The following SLC15A1 variants were observed in gnomAD, a reference collection of about 807,000 sequenced individuals.
SLC15A1 encodes solute carrier family 15 member 1, also known as Caco-2 oligopeptide transporter.
Under a neutral mutation model 92.9 loss-of-function variants are expected in SLC15A1, and 83 were observed. The observed-to-expected ratio is 0.89, with a 90% confidence interval of 0.75 to 1.07. The LOEUF is 1.07. SLC15A1 is among the 50% of genes least tolerant of loss of function. The probability of loss-of-function intolerance (pLI) is 0.00; values close to 1 mark genes in which losing one functional copy is unlikely to be tolerated. For missense variants in SLC15A1, 857 were observed against 880.1 expected, an observed-to-expected ratio of 0.97 and a Z score of 0.33; for synonymous variants, 322 against 318.2, an observed-to-expected ratio of 1.01 and a Z score of -0.13.
chr13:98,730,746 C>T (rs553946237), intron 1 of SLC15A1, among the ~76,000 whole-genome samples: 1 of 152,360 alleles, frequency 6.6e-6, no homozygotes, highest in African/African-American at 2.4e-5. Context: ...GTTTGTGGGA[C>T]ACGTTTCCTA....
chr13:98,697,781 G>T (rs554851911), intron 18 of SLC15A1, among the ~76,000 whole-genome samples: 11 of 152,208 alleles, frequency 7.2e-5, no homozygotes, highest in South Asian at 4.2e-4. Context: ...TTGGCCATAC[G>T]CTGCCGCAAA....
chr13:98,722,663 G>C (rs116694003), intron 5 of SLC15A1, among the ~76,000 whole-genome samples: 189 of 152,258 alleles, frequency 1.2e-3, no homozygotes, highest in African/African-American at 4.5e-3. Context: ...TATTGCACAG[G>C]TAAAGAATTC....
intron 1 of SLC15A1, among the ~76,000 whole-genome samples, chr13:98,735,208 C>T (rs765566335): frequency 2.0e-5 from 3 of 152,160 alleles, no homozygotes; most frequent in Non-Finnish European, 4.4e-5. Flanking sequence ...AAACGTAATC[C>T]ATCACATAAA....
chr13:98,738,120 T>A (rs1594009000), intron 1 of SLC15A1, among the ~76,000 whole-genome samples: 1 of 152,336 alleles, frequency 6.6e-6, no homozygotes, highest in Non-Finnish European at 1.5e-5. Flanking sequence ...GGATTCAAGA[T>A]GTGACCTGGC....
In SLC15A1 at chr13:98,708,764, G is replaced by C. The variant is rs538255007; in HGVS notation, c.1071C>G (p.Ser357=). The C allele has an allele frequency of 6.8e-6, 11 of 1,610,008 alleles. No individual in the cohort carries two copies. The Admixed American group carries it at 1.0e-4, about 15-fold the overall frequency. Residue 357 remains serine, a synonymous_variant, in exon 15 of 23, where the codon TCC becomes TCG. Transcript: ENST00000376503. ...CCATGCCAACTGCCATCTTCTTCAA[G>C]GAGCTGATGGCACAAGAGAAGAGTG... ...LIAKCGFNFT[S]LKKMAVGMVL...
At chr13:98,746,512 T>C (rs1423463040) in intron 1 of SLC15A1, among the ~76,000 whole-genome samples, 1 of 152,182 alleles carries the variant, frequency 6.6e-6, no homozygotes, top group Non-Finnish European at 1.5e-5. Flanking sequence ...TGCAAGGTGT[T>C]TTGATTTAAT....
intron 1 of SLC15A1, 114 bp downstream of exon 1, chr13:98,752,481 C>A: frequency 9.8e-7 from 1 of 1,020,390 alleles, no homozygotes; most frequent in South Asian, 4.1e-5. Context: ...GCCTTCGGGT[C>A]GCCCCGCTTC....
intron 7 of SLC15A1, among the ~76,000 whole-genome samples, chr13:98,719,851 C>T (rs567968409): frequency 6.6e-6 from 1 of 152,198 alleles, no homozygotes; most frequent in African/African-American, 2.4e-5. Flanking sequence ...GTAGACAATA[C>T]ATCAATGAAT....
intron 1 of SLC15A1, among the ~76,000 whole-genome samples, chr13:98,751,112 CA>C (rs1435314402): frequency 2.0e-5 from 3 of 146,836 alleles, no homozygotes; most frequent in African/African-American, 4.9e-5. Flanking sequence ...AACCATTAAA[CA>C]ATTTTTTTTT....
chr13:98,709,908 A>C lies in SLC15A1; in HGVS notation c.904T>G (p.Ser302Ala). 1 of 1,614,230 alleles carries C rather than the reference A, an allele frequency of 6.2e-7. No individual in the cohort carries two copies. Among genetic ancestry groups the C allele is most frequent in the Non-Finnish European group, 8.5e-7 (1 of 1,180,038 alleles). Residue 302 changes from serine (S) to alanine (A), a missense_variant, in exon 12 of 23, where the codon TCC (serine) becomes GCC (alanine). Ser to Ala is a moderately conservative substitution (Grantham distance 99). Transcript: ENST00000376503. Reference protein sequence around the residue: ...MFWALFDQQGSRWTLQATTMS... With the variant: ...MFWALFDQQGARWTLQATTMS... ...GTTGTTGCCTGCAGTGTCCACCTGG[A>C]GCCCTTAAAAATGAATACATTTGCT...
chr13:98,702,151 G>A (rs2088073211), intron 18 of SLC15A1, among the ~76,000 whole-genome samples: 2 of 152,162 alleles, frequency 1.3e-5, no homozygotes, highest in African/African-American at 4.8e-5. Context: ...CATAATATCA[G>A]CTCAAGCTTT....
chr13:98,684,928 C>A lies in SLC15A1; in HGVS notation c.1936-13G>T, dbSNP rs1459861475. On this transcript the variant is annotated splice_polypyrimidine_tract_variant and intron_variant, in intron 22 of 22. Coordinates refer to ENST00000376503, the MANE Select transcript of SLC15A1 (RefSeq NM_005073.4). Reference sequence around the variant, plus strand: ...TGTACTCGGCCCACTTTGAAGAAATCAGAGTTGGAGCAGGAAAAAGAACAA... The same window carrying A: ...TGTACTCGGCCCACTTTGAAGAAATAAGAGTTGGAGCAGGAAAAAGAACAA... 2 of 1,604,914 alleles carry A rather than the reference C, an allele frequency of 1.2e-6. No individual in the cohort carries two copies. The highest frequency in any genetic ancestry group is 1.1e-5 in the South Asian group (1 of 90,098).
chr13:98,719,268 C>T lies in SLC15A1; in HGVS notation c.609G>A (p.Gly203=). 3.7e-6 allele frequency: 6 copies of T among 1,613,854 alleles called. No homozygotes were observed. Among genetic ancestry groups the T allele is most frequent in the Non-Finnish European group, 5.1e-6 (6 of 1,179,814 alleles). Residue 203 remains glycine, a synonymous_variant, in exon 8 of 23, where the codon GGG becomes GGA. Transcript: ENST00000376503. ...SKQACYPLAF[G]VPAALMAVAL... The stretch of plus-strand genomic sequence containing the variant: ...CTACAGCCATGAGAGCAGCAGGAAC[C>T]CCAAAGGCCAGTGGGTAACAAGCTT...
chr13:98,729,007 C>CAA (rs1176117196), intron 1 of SLC15A1, among the ~76,000 whole-genome samples: 4 of 69,654 alleles, frequency 5.7e-5, no homozygotes, highest in African/African-American at 2.1e-4. Flanking sequence ...AAAAAAAAAA[C>CAA]AACAAGCCCC....
At chr13:98,738,695 T>C (rs1488987648) in intron 1 of SLC15A1, among the ~76,000 whole-genome samples, 2 of 152,244 alleles carry the variant, frequency 1.3e-5, no homozygotes, top group Non-Finnish European at 1.5e-5. Context: ...TGGAAAAGCC[T>C]GGATGTCCAG....
At chr13:98,738,970 G>A (rs1379885796) in intron 1 of SLC15A1, among the ~76,000 whole-genome samples, 2 of 152,268 alleles carry the variant, frequency 1.3e-5, no homozygotes, top group Non-Finnish European at 2.9e-5. Context: ...CAGGGGCAGA[G>A]CTGCCCAAAG....
rs528865683 is a variant in SLC15A1 at position 98,692,136 on chromosome 13, C to CTTTT, written c.1467-3563_1467-3560dup. On this transcript the variant is annotated intron_variant, in intron 18 of 22. Transcript: ENST00000376503. The stretch of plus-strand genomic sequence containing the variant: ...AGGAGTCCCCCTCTCTTCTCCTAAA[C>CTTTT]TTTTTTTTTTTTTTTTTTTTTTTTT... Among the ~76,000 whole-genome samples, 125 of 67,632 alleles carry CTTTT rather than the reference C, an allele frequency of 1.8e-3. 9 individuals are homozygous for CTTTT. The highest frequency in any genetic ancestry group is 3.4e-3 in the African/African-American group (79 of 23,000). The allele number at this position is 67,632 out of a possible 152,430, so 44.4% of individuals were successfully genotyped here. A position where few individuals can be genotyped will look rare whatever the true frequency, so the allele number is the denominator to read the frequency against.
intron 1 of SLC15A1, among the ~76,000 whole-genome samples, chr13:98,730,699 C>T (rs890002084): frequency 1.3e-5 from 2 of 152,248 alleles, no homozygotes; most frequent in African/African-American, 4.8e-5. Flanking sequence ...GGGTCCTCAG[C>T]GCCTCCGCGC....
intron 1 of SLC15A1, 139 bp from the exon 2 acceptor site, chr13:98,726,998 G>A (rs1012612800): frequency 1.8e-5 from 13 of 741,706 alleles, no homozygotes; most frequent in South Asian, 6.6e-5. Flanking sequence ...CTGGGATCCC[G>A]GCCCCAGACT....
Sources: allele counts gnomAD v4.1 joint callset (sites outside exome capture counted in the v4.1 genomes callset), GRCh38; gene constraint gnomAD v4.1.1; transcripts MANE v1.5; gene names NCBI Gene and HGNC (gene_info 2026-07-23, HGNC 2026-07-21).